SNCAIP: variants seen among roughly 807,000 people sequenced by gnomAD.
SNCAIP encodes synuclein alpha interacting protein, also known as synphilin-1.
In SNCAIP, 43 loss-of-function variants were observed where a neutral mutation model predicts 86.7. That is an observed-to-expected ratio of 0.50 (90% CI 0.39 to 0.64). The LOEUF (loss-of-function observed/expected upper bound fraction) is 0.64. Ranked by LOEUF, SNCAIP falls within the 30% of genes least tolerant of loss-of-function variation. The pLI is 0.00. For missense variants in SNCAIP, 981 were observed against 1,103.1 expected (o/e 0.89, Z 1.57); for synonymous variants, 417 against 427.2 (o/e 0.98, Z 0.29).
chr5:122,374,211 C>A (rs1174491784), intron 1 of SNCAIP, among the ~76,000 whole-genome samples: 2 of 152,118 alleles, frequency 1.3e-5, no homozygotes, highest in African/African-American at 4.8e-5. Flanking sequence ...AAATTGAAAT[C>A]CTTAGAGGGG....
chr5:122,430,478 G>A (rs748021472), intron 5 of SNCAIP, among the ~76,000 whole-genome samples: 2 of 152,156 alleles, frequency 1.3e-5, no homozygotes, highest in African/African-American at 4.8e-5. Flanking sequence ...CTATTTCACT[G>A]TTTCACAGAT....
At chr5:122,413,524 AT>A (rs200367325) in intron 3 of SNCAIP, among the ~76,000 whole-genome samples, 10 of 151,964 alleles carry the variant, frequency 6.6e-5, no homozygotes, top group African/African-American at 1.9e-4. Flanking sequence ...ACATTAAGTA[AT>A]TTTTTTTATT....
chr5:122,338,667 CTT>C (rs1756975159), intron 1 of SNCAIP, among the ~76,000 whole-genome samples: 1 of 152,008 alleles, frequency 6.6e-6, no homozygotes, highest in African/African-American at 2.4e-5. Context: ...GAAATCAAAA[CTT>C]AAATATGATT....
At chr5:122,326,606 CTTTTTTTTTTTT>C (rs11297385) in intron 1 of SNCAIP, among the ~76,000 whole-genome samples, 79 of 42,130 alleles carry the variant, frequency 1.9e-3, no homozygotes, top group Non-Finnish European at 2.6e-3. Flanking sequence ...GAAATGTCTC[CTTTTTTTTTTTT>C]TTTTTTTTTT....
intron 1 of SNCAIP, among the ~76,000 whole-genome samples, chr5:122,346,360 G>A (rs771864544): frequency 6.6e-6 from 1 of 151,920 alleles, no homozygotes; most frequent in African/African-American, 2.4e-5. Flanking sequence ...CCTTCTCTTG[G>A]GGACTTTTTT....
intron 2 of SNCAIP, among the ~76,000 whole-genome samples, chr5:122,391,852 T>A (rs1225293523): frequency 6.6e-6 from 1 of 152,212 alleles, no homozygotes; most frequent in Non-Finnish European, 1.5e-5. Flanking sequence ...TTTGAGCTGC[T>A]TGTGCCTTAT....
intron 3 of SNCAIP, among the ~76,000 whole-genome samples, chr5:122,407,618 A>G (rs529327829): frequency 3.3e-5 from 5 of 152,348 alleles, no homozygotes; most frequent in Admixed American, 3.3e-4. Context: ...AGTACAAATA[A>G]TAAAGCAAAT....
chr5:122,321,983 C>A (rs537223346), intron 1 of SNCAIP: 1 of 151,780 alleles, frequency 6.6e-6, no homozygotes, highest in East Asian at 1.9e-4. Flanking sequence ...AAAAACAGGA[C>A]AGACCAAACA....
chr5:122,353,439 C>A (rs1007815532), intron 1 of SNCAIP, among the ~76,000 whole-genome samples: 1,589 of 93,322 alleles, frequency 0.017, 18 homozygotes, highest in African/African-American at 0.045. Context: ...CATAATTAAG[C>A]AAAAAAAAAA....
At chr5:122,400,851 C>A in intron 2 of SNCAIP, 2 of 957,442 alleles carry the variant, frequency 2.1e-6, no homozygotes, top group Non-Finnish European at 2.9e-6. Context: ...GTCTGGAAAA[C>A]AAATTTAGAT....
chr5:122,329,859 G>A (rs1253792710), intron 1 of SNCAIP, among the ~76,000 whole-genome samples: 2 of 152,142 alleles, frequency 1.3e-5, no homozygotes, highest in African/African-American at 4.8e-5. Flanking sequence ...TTCAAGTGGA[G>A]CCATCATAAG....
intron 3 of SNCAIP, among the ~76,000 whole-genome samples, chr5:122,412,953 G>A (rs1774461102): frequency 6.6e-6 from 1 of 152,134 alleles, no homozygotes; most frequent in South Asian, 2.1e-4. Context: ...CTAAATGTTT[G>A]CGTCCCTCCA....
chr5:122,383,931 G>A (rs1767537425), intron 1 of SNCAIP, among the ~76,000 whole-genome samples: 1 of 152,202 alleles, frequency 6.6e-6, no homozygotes, highest in African/African-American at 2.4e-5. Context: ...TTGTCTTATA[G>A]ACTAGTTCAG....
At chr5:122,449,470 T>A (rs1056153611) in intron 8 of SNCAIP, among the ~76,000 whole-genome samples, 1 of 152,180 alleles carries the variant, frequency 6.6e-6, no homozygotes, top group African/African-American at 2.4e-5. Flanking sequence ...TTTATATATA[T>A]GAAACTATGC....
At chr5:122,317,265 C>G (rs758785537) in intron 1 of SNCAIP, among the ~76,000 whole-genome samples, 3 of 152,108 alleles carry the variant, frequency 2.0e-5, no homozygotes, top group Non-Finnish European at 4.4e-5. Context: ...CACTTGGTTG[C>G]AAATCACAGA....
intron 3 of SNCAIP, among the ~76,000 whole-genome samples, chr5:122,413,184 CT>C (rs1367243386): frequency 6.6e-6 from 1 of 152,184 alleles, no homozygotes; most frequent in Non-Finnish European, 1.5e-5. Context: ...AAAACAAACT[CT>C]TTGTTATGGC....
chr5:122,463,429 A>G, intron 10 of SNCAIP, 62 bp from the exon 11 acceptor site: 2 of 955,064 alleles, frequency 2.1e-6, no homozygotes, highest in Non-Finnish European at 3.4e-6. Context: ...GTTTAGTGGT[A>G]TTGTCTTGTA....
At chr5:122,379,732 G>A (rs1418381823) in intron 1 of SNCAIP, among the ~76,000 whole-genome samples, 1 of 150,494 alleles carries the variant, frequency 6.6e-6, no homozygotes, top group African/African-American at 2.4e-5. Context: ...CTAATTTATT[G>A]AGAGTTTTTA....
intron 1 of SNCAIP, among the ~76,000 whole-genome samples, chr5:122,369,269 T>C (rs183708623): frequency 2.6e-5 from 4 of 152,336 alleles, no homozygotes; most frequent in Admixed American, 2.0e-4. Context: ...AATGCCCAAA[T>C]GAAGGCAGTA....
Sources: gnomAD v4.1 joint callset for allele counts (sites outside exome capture counted in the v4.1 genomes callset) on GRCh38, gnomAD v4.1.1 for gene constraint, MANE v1.5 for transcripts, NCBI Gene and HGNC (gene_info 2026-07-23, HGNC 2026-07-21) for gene names.